Variants in TBC1D22A observed in about 807,000 individuals in gnomAD.
TBC1D22A encodes putative GTPase activator.
TBC1D22A carries 38 observed loss-of-function variants against 60.2 expected under a neutral mutation model. That is an observed-to-expected ratio of 0.63 (90% CI 0.49 to 0.83). The LOEUF (loss-of-function observed/expected upper bound fraction) is 0.83. Among genes scored for constraint, TBC1D22A ranks in the 40% least tolerant of loss-of-function variants. The pLI is 0.00. For missense variants in TBC1D22A, 628 were observed against 701.0 expected, an observed-to-expected ratio of 0.90 and a Z score of 1.18; for synonymous variants, 302 against 281.7, an observed-to-expected ratio of 1.07 and a Z score of -0.72.
rs973395892 is a variant in TBC1D22A, at chr22:47,009,420, CA to C, written c.1201+11712del. Among the ~76,000 whole-genome samples, 4 of 151,450 alleles carry C rather than the reference CA, an allele frequency of 2.6e-5. No individual in the cohort carries two copies. The highest frequency in any genetic ancestry group is 9.7e-5 in the African/African-American group (4 of 41,242). The stretch of plus-strand genomic sequence containing the variant: ...ATTTCCATCATCACCATCATTGTGT[CA>C]TCACCACCATCATCATCACCATCAC... On this transcript the variant is annotated intron_variant, in intron 10 of 12. Coordinates refer to ENST00000337137, the MANE Select transcript of TBC1D22A (RefSeq NM_014346.5). This position sits in a 1 kb window ranked among gnomAD's most constrained non-coding sequence, Gnocchi z 5.8.
intron 11 of TBC1D22A, among the ~76,000 whole-genome samples, chr22:47,110,384 C>T (rs1045483053): frequency 6.6e-6 from 1 of 152,138 alleles, no homozygotes; most frequent in African/African-American, 2.4e-5. Context: ...GAGACTGAGA[C>T]AGGAACATTG....
intron 11 of TBC1D22A, among the ~76,000 whole-genome samples, chr22:47,104,005 T>C (rs2065522003): frequency 6.6e-6 from 1 of 152,204 alleles, no homozygotes; most frequent in Admixed American, 6.5e-5. Context: ...GGGGGAAAAT[T>C]TGCGTCTGTA....
At chr22:47,043,420 T>C (rs1378171662) in intron 11 of TBC1D22A, among the ~76,000 whole-genome samples, 3 of 152,128 alleles carry the variant, frequency 2.0e-5, no homozygotes, top group Admixed American at 2.0e-4. Flanking sequence ...CCTGCAGTGC[T>C]CCAGGTGAGA....
In TBC1D22A at chr22:47,009,309, CCACCATCATGTCATCAT is replaced by C. The variant is rs927288904; in HGVS notation, c.1201+11610_1201+11626del. ...ACCAGCATCATAAACACCATCATCACCACCATCATGTCATCATCACCATCATTATGTCATCACCACCA... is the reference window on the plus strand; with the variant it reads ...ACCAGCATCATAAACACCATCATCACCACCATCATTATGTCATCACCACCA... On this transcript the variant is annotated intron_variant, in intron 10 of 12. Coordinates refer to ENST00000337137, the MANE Select transcript of TBC1D22A (RefSeq NM_014346.5). The surrounding 1 kb of genome is among the most constrained non-coding windows in gnomAD (Gnocchi z 5.8). Among the ~76,000 whole-genome samples, 8 of 151,840 alleles carry C rather than the reference CCACCATCATGTCATCAT, an allele frequency of 5.3e-5. No homozygotes were observed. Among genetic ancestry groups the C allele is most frequent in the African/African-American group, 1.9e-4 (8 of 41,314 alleles).
At chr22:46,980,653 G>T (rs2074479042) in intron 9 of TBC1D22A, among the ~76,000 whole-genome samples, 1 of 150,378 alleles carries the variant, frequency 6.6e-6, no homozygotes, top group Non-Finnish European at 1.5e-5. Context: ...AATATGGGCA[G>T]ATTAAGACAT....
intron 11 of TBC1D22A, among the ~76,000 whole-genome samples, chr22:47,043,927 A>G (rs1056465885): frequency 7.5e-5 from 2 of 26,670 alleles, no homozygotes; most frequent in African/African-American, 5.7e-4. Flanking sequence ...CAGACATTGC[A>G]TTTTATCTGG....
At chr22:47,165,863 C>T (rs545176620) in intron 12 of TBC1D22A, among the ~76,000 whole-genome samples, 5 of 152,294 alleles carry the variant, frequency 3.3e-5, no homozygotes, top group East Asian at 1.9e-4. Flanking sequence ...TAGGGTTTCT[C>T]ACCAGGCTGC....
chr22:46,986,193 T>C (rs540383137), intron 9 of TBC1D22A, among the ~76,000 whole-genome samples: 3 of 152,330 alleles, frequency 2.0e-5, no homozygotes, highest in Admixed American at 6.5e-5. Context: ...TTGCTGAAAA[T>C]TAGATGATTG....
At chr22:46,854,689 C>G (rs1242238234) in intron 4 of TBC1D22A, among the ~76,000 whole-genome samples, 2 of 152,222 alleles carry the variant, frequency 1.3e-5, no homozygotes, top group African/African-American at 4.8e-5. Context: ...CTTCCCTCTT[C>G]CCCCTGCGAT....
chr22:46,977,546 AC>A (rs2074350293), intron 9 of TBC1D22A, among the ~76,000 whole-genome samples: 1 of 152,104 alleles, frequency 6.6e-6, no homozygotes, highest in Admixed American at 6.5e-5. Flanking sequence ...AGGAAAAAGA[AC>A]AAACCACTTT....
At chr22:47,037,876 G>T (rs943884098) in intron 11 of TBC1D22A, among the ~76,000 whole-genome samples, 3 of 152,142 alleles carry the variant, frequency 2.0e-5, no homozygotes, top group African/African-American at 4.8e-5. Flanking sequence ...TCACGCTCAG[G>T]ACTCACACCT....
chr22:46,856,413 A>G (rs900919184), intron 4 of TBC1D22A, among the ~76,000 whole-genome samples: 3 of 152,240 alleles, frequency 2.0e-5, no homozygotes, highest in Admixed American at 6.5e-5. Flanking sequence ...TAATGCTGAA[A>G]GTATAAGAGG....
At chr22:46,962,162 G>A (rs1021138644) in intron 8 of TBC1D22A, among the ~76,000 whole-genome samples, 1 of 152,162 alleles carries the variant, frequency 6.6e-6, no homozygotes, top group East Asian at 1.9e-4. Flanking sequence ...GCCCAGGATC[G>A]GTGCTCGCCA....
rs551167244 is a variant in TBC1D22A at position 46,983,153 on chromosome 22, T to G, written c.1125+8754T>G. Among the ~76,000 whole-genome samples, 4 of 152,292 alleles carry G rather than the reference T, an allele frequency of 2.6e-5. No individual in the cohort carries two copies. The East Asian group carries it at 7.7e-4, about 29-fold the overall frequency. ...ACAAGTCCTGTATTTTGTGGTGCAATGGGTGGCTTGGATCTGGCACGGCAG... is the reference window on the plus strand; with the variant it reads ...ACAAGTCCTGTATTTTGTGGTGCAAGGGGTGGCTTGGATCTGGCACGGCAG... On this transcript the variant is annotated intron_variant, in intron 9 of 12. Coordinates refer to ENST00000337137, the MANE Select transcript of TBC1D22A (RefSeq NM_014346.5).
chr22:46,942,026 T>TAA (rs1555960666), intron 8 of TBC1D22A, among the ~76,000 whole-genome samples: 1,384 of 137,386 alleles, frequency 0.01, 17 homozygotes, highest in African/African-American at 0.035. Flanking sequence ...TATATATATA[T>TAA]TATATATATA....
intron 11 of TBC1D22A, among the ~76,000 whole-genome samples, chr22:47,074,795 G>C (rs2064135803): frequency 1.3e-5 from 2 of 152,170 alleles, no homozygotes; most frequent in South Asian, 4.1e-4. Flanking sequence ...TTGGCCAACA[G>C]ATCAAGTCTG....
chr22:46,983,346 A>ATG lies in TBC1D22A; in HGVS notation c.1125+8949_1125+8950dup, dbSNP rs1007391947. On this transcript the variant is annotated intron_variant, in intron 9 of 12. Coordinates refer to ENST00000337137, the MANE Select transcript of TBC1D22A (RefSeq NM_014346.5). The stretch of plus-strand genomic sequence containing the variant: ...TAAGCGTCATGGGGACTAATCCTCA[A>ATG]TGTTGAGGACAGAATTTCTGTGTTT... Among the ~76,000 whole-genome samples, 29 of 152,378 alleles carry ATG rather than the reference A, an allele frequency of 1.9e-4. 1 individual carries two copies. The Middle Eastern group carries it at 0.037, about 197-fold the overall frequency.
chr22:47,169,517 A>G (rs1442661796), intron 12 of TBC1D22A, among the ~76,000 whole-genome samples: 8 of 152,184 alleles, frequency 5.3e-5, no homozygotes, highest in Admixed American at 4.6e-4. Flanking sequence ...CCTCCAGGCC[A>G]TGCAGCGAGA....
intron 5 of TBC1D22A, among the ~76,000 whole-genome samples, chr22:46,884,006 G>A (rs1358509072): frequency 6.6e-6 from 1 of 152,198 alleles, no homozygotes; most frequent in African/African-American, 2.4e-5. Flanking sequence ...ATCTCTGCAC[G>A]TCGTGATCAC....
Sources: allele counts gnomAD v4.1 joint callset (sites outside exome capture counted in the v4.1 genomes callset), GRCh38; gene constraint gnomAD v4.1.1; non-coding constraint Gnocchi (gnomAD v3.1); transcripts MANE v1.5; gene names NCBI Gene and HGNC (gene_info 2026-07-23, HGNC 2026-07-21).